Variants in SPNS3 observed in about 807,000 individuals in gnomAD.
SPNS3 encodes the protein protein spinster homolog 3.
Under a neutral mutation model 54.4 loss-of-function variants are expected in SPNS3, and 51 were observed. The ratio of observed to expected loss-of-function variants is 0.94; its 90% CI spans 0.75 to 1.18. The LOEUF (loss-of-function observed/expected upper bound fraction) is 1.18, where lower values mean the gene tolerates loss of function less well. Among genes scored for constraint, SPNS3 ranks in the 50% most tolerant of loss-of-function variants. The pLI is 0.00. For synonymous variants in SPNS3, 309 were observed against 294.7 expected, an observed-to-expected ratio of 1.05 and a Z score of -0.50; for missense variants, 669 against 677.4, an observed-to-expected ratio of 0.99 and a Z score of 0.14.
At chr17:4,453,951 C>T (rs1391039660) in intron 8 of SPNS3, among the ~76,000 whole-genome samples, 7 of 152,234 alleles carry the variant, frequency 4.6e-5, no homozygotes, top group Admixed American at 3.9e-4. Flanking sequence ...CACACTCTGG[C>T]TGTGCCAGCC....
At chr17:4,445,750 C>T (rs62067394) in intron 3 of SPNS3, among the ~76,000 whole-genome samples, 20,472 of 151,962 alleles carry the variant, frequency 0.13, 1,704 homozygotes, top group Non-Finnish European at 0.18. Flanking sequence ...CATTTCTGCC[C>T]GACTCTGCTG....
At chr17:4,458,960 A>G (rs1259615684) in intron 8 of SPNS3, among the ~76,000 whole-genome samples, 4 of 151,954 alleles carry the variant, frequency 2.6e-5, no homozygotes, top group Admixed American at 2.6e-4. Context: ...TAGGAGCCTT[A>G]TTCCTCCACT....
In SPNS3 at chr17:4,487,809, C is replaced by T. The variant is rs768070755; in HGVS notation, c.1454C>T (p.Thr485Ile). The T allele has an allele frequency of 1.9e-6, 3 of 1,613,990 alleles. No individual in the cohort carries two copies. In the South Asian group the frequency reaches 3.3e-5, roughly 18 times the overall value. ...CTGAGCATCTTTCCTCCTGCAGGGA[C>T]CCCAGACAGCAATGATGTGGACAGC... ...ETRAWQPVTG[T>I]PDSNDVDSND... Residue 485 changes from threonine to isoleucine, a missense_variant, in exon 12 of 12, where the codon ACC becomes ATC. Transcript: ENST00000355530.
At position 4,460,768 on chromosome 17, in the gene SPNS3, T is replaced by C. The variant is rs561517826; in HGVS notation, c.1113+7563T>C. On this transcript the variant is annotated intron_variant, in intron 8 of 11. Coordinates refer to ENST00000355530, the MANE Select transcript of SPNS3 (RefSeq NM_182538.5). The stretch of plus-strand genomic sequence containing the variant: ...AATTGCTGGATTTGAGTTTGTAGTA[T>C]TTTGTTGAGGATTTTTGCACGTACA... Among the ~76,000 whole-genome samples, 16 of 152,124 alleles carry C rather than the reference T, an allele frequency of 1.1e-4. No individual in the cohort carries two copies. The South Asian group carries it at 1.7e-3, about 16-fold the overall frequency.
At chr17:4,472,285 C>T (rs1269156640) in intron 8 of SPNS3, among the ~76,000 whole-genome samples, 2 of 152,000 alleles carry the variant, frequency 1.3e-5, no homozygotes, top group Non-Finnish European at 2.9e-5. Flanking sequence ...GCTCAGAAAC[C>T]GAATTTGCTT....
chr17:4,453,543 G>A (rs570015757), intron 8 of SPNS3, among the ~76,000 whole-genome samples: 41 of 152,156 alleles, frequency 2.7e-4, no homozygotes, highest in Admixed American at 2.6e-3. Context: ...GCTTGAACGC[G>A]GGAGGTGGAG....
intron 1 of SPNS3, among the ~76,000 whole-genome samples, chr17:4,438,913 G>C (rs551739349): frequency 6.6e-6 from 1 of 151,420 alleles, no homozygotes; most frequent in Non-Finnish European, 1.5e-5. Flanking sequence ...AGTGAGGCTG[G>C]GTGTACATGT....
chr17:4,438,122 C>T (rs1404125446), intron 1 of SPNS3, among the ~76,000 whole-genome samples: 3 of 152,176 alleles, frequency 2.0e-5, no homozygotes, highest in African/African-American at 7.2e-5. Flanking sequence ...CCTCTGATCC[C>T]TTGATCTTCA....
chr17:4,486,199 T>G lies in SPNS3; in HGVS notation c.1180-29T>G, dbSNP rs756061863. 1.3e-6 allele frequency: 2 copies of G among 1,503,540 alleles called. No homozygotes were observed. The highest frequency in any genetic ancestry group is 2.7e-5 in the South Asian group (2 of 73,514). The allele number at this position is 1,503,540 out of a possible 1,614,324, so 93.1% of individuals were successfully genotyped here. A position where few individuals can be genotyped will look rare whatever the true frequency, so the allele number is the denominator to read the frequency against. On this transcript the variant is annotated intron_variant, in intron 9 of 11. Coordinates refer to ENST00000355530, the MANE Select transcript of SPNS3 (RefSeq NM_182538.5). The surrounding 1 kb of genome is among the most constrained non-coding windows in gnomAD (Gnocchi z 5.5). ...CAGGCAAGGGTGCCCTCACTTGGGGTGCCCCCCTGCTGTGCCTATGTTTTG... is the reference window on the plus strand; with the variant it reads ...CAGGCAAGGGTGCCCTCACTTGGGGGGCCCCCCTGCTGTGCCTATGTTTTG...
intron 4 of SPNS3, 64 bp downstream of exon 4, chr17:4,446,263 G>C (rs1970985545): frequency 7.8e-6 from 12 of 1,545,170 alleles, no homozygotes; most frequent in East Asian, 4.5e-5. Context: ...AGTCAGAACA[G>C]GGGCTGGACC....
Position 4,449,484 on chromosome 17 carries a change from G to T in SPNS3, c.923+97G>T, listed in dbSNP as rs901131114. ...GAGCTCCAAAATTCAGTTTCTTGGG[G>T]TGGGGCATTTGGTGCTGTGTGAAGA... On this transcript the variant is annotated intron_variant, in intron 7 of 11. Coordinates refer to ENST00000355530, the MANE Select transcript of SPNS3 (RefSeq NM_182538.5). 2.9e-6 allele frequency: 4 copies of T among 1,384,380 alleles called. 1 individual carries two copies. The Admixed American group carries it at 1.2e-4, about 40-fold the overall frequency. 85.8% of individuals were successfully genotyped at this position (1,384,380 alleles called of 1,614,324 possible). A position where few individuals can be genotyped will look rare whatever the true frequency, so the allele number is the denominator to read the frequency against.
intron 6 of SPNS3, 145 bp from the exon 7 acceptor site, chr17:4,449,090 G>GGGGT (rs1164356301): frequency 1.1e-6 from 1 of 911,790 alleles, no homozygotes; most frequent in Non-Finnish European, 1.6e-6. Flanking sequence ...CTGTAAAGAG[G>GGGGT]GGGTAGCAAA....
At chr17:4,439,631 T>C (rs1414918976) in intron 1 of SPNS3, 27 bp from the exon 2 acceptor site, 1 of 1,607,884 alleles carries the variant, frequency 6.2e-7, no homozygotes, top group African/African-American at 1.3e-5. Flanking sequence ...ACTTCCCGTT[T>C]CCTGAGCACT....
intron 8 of SPNS3, among the ~76,000 whole-genome samples, chr17:4,454,779 C>T (rs1035629820): frequency 3.7e-4 from 56 of 152,034 alleles, no homozygotes; most frequent in Non-Finnish European, 2.5e-4. Context: ...CACCACCAAG[C>T]CCGGCTAATT....
chr17:4,458,913 G>A (rs1172555440), intron 8 of SPNS3, among the ~76,000 whole-genome samples: 4 of 151,826 alleles, frequency 2.6e-5, no homozygotes, highest in East Asian at 1.9e-4. Flanking sequence ...CCCTTATCCC[G>A]GCATTTAAAG....
At chr17:4,446,771 G>C (rs1567556174) in intron 4 of SPNS3, 125 bp from the exon 5 acceptor site, 2 of 839,648 alleles carry the variant, frequency 2.4e-6, no homozygotes, top group East Asian at 5.1e-5. Context: ...CAGTGAAACA[G>C]GTCTGAGCCT....
In SPNS3 at chr17:4,468,797, T is replaced by C. The variant is rs1478548968; in HGVS notation, c.1114-9775T>C. Among the ~76,000 whole-genome samples the C allele has an allele frequency of 3.0e-5, 4 of 132,194 alleles. No individual in the cohort carries two copies. The South Asian group carries it at 7.2e-4, about 24-fold the overall frequency. The allele number at this position is 132,194 out of a possible 152,430, so 86.7% of individuals were successfully genotyped here. On this transcript the variant is annotated intron_variant, in intron 8 of 11. Coordinates refer to ENST00000355530, the MANE Select transcript of SPNS3 (RefSeq NM_182538.5). ...TTTCTTTCTTTCTCTCTCTCTTTCT[T>C]TTTTTTTTTTGACGGAGTTTTGCTC...
intron 7 of SPNS3, among the ~76,000 whole-genome samples, chr17:4,449,812 C>T (rs1280674310): frequency 2.6e-5 from 4 of 152,010 alleles, no homozygotes; most frequent in Admixed American, 6.6e-5. Context: ...CTTGTTACTT[C>T]GCTGGTTTTG....
chr17:4,459,242 G>T (rs1971428413), intron 8 of SPNS3, among the ~76,000 whole-genome samples: 1 of 152,158 alleles, frequency 6.6e-6, no homozygotes, highest in Non-Finnish European at 1.5e-5. Flanking sequence ...TCCAGGTCTG[G>T]TTCTAGTCTT....
Sources: allele counts gnomAD v4.1 joint callset (sites outside exome capture counted in the v4.1 genomes callset), GRCh38; gene constraint gnomAD v4.1.1; non-coding constraint Gnocchi (gnomAD v3.1); transcripts MANE v1.5; gene names NCBI Gene and HGNC (gene_info 2026-07-23, HGNC 2026-07-21).